Variants in RNFT2 observed in about 807,000 individuals in gnomAD.
RNFT2 encodes the protein ring finger protein, transmembrane 2, also known as E3 ubiquitin-protein ligase RNFT2.
In RNFT2, 36 loss-of-function variants were observed where a neutral mutation model predicts 53.0. The ratio of observed to expected loss-of-function variants is 0.68; its 90% CI spans 0.52 to 0.90. The LOEUF (loss-of-function observed/expected upper bound fraction) is 0.90, where lower values mean the gene tolerates loss of function less well. Among genes scored for constraint, RNFT2 ranks in the 40% least tolerant of loss-of-function variants. RNFT2 has a pLI of 0.00. For missense variants in RNFT2, 514 were observed against 585.6 expected, an observed-to-expected ratio of 0.88 and a Z score of 1.26; for synonymous variants, 260 against 253.2, an observed-to-expected ratio of 1.03 and a Z score of -0.26.
In RNFT2 at chr12:116,851,491, C is replaced by T; in HGVS notation, c.*2043C>T. The stretch of plus-strand genomic sequence containing the variant: ...TGGTGGCCCATGCCTGTAGTGCCAG[C>T]ATTTTGGGAGGCTGAAGCAGGCGGG... On this transcript the variant is annotated 3_prime_UTR_variant, in exon 11 of 11. Coordinates refer to ENST00000257575, the MANE Select transcript of RNFT2 (RefSeq NM_001382266.1). 2.1e-6 allele frequency: 1 copy of T among 477,352 alleles called. No individual in the cohort carries two copies. The allele number at this position is 477,352 out of a possible 1,614,324, so 29.6% of individuals were successfully genotyped here. A position where few individuals can be genotyped will look rare whatever the true frequency, so the allele number is the denominator to read the frequency against.
chr12:116,852,354 C>T lies in RNFT2; in HGVS notation c.*2906C>T, dbSNP rs1877969345. On this transcript the variant is annotated 3_prime_UTR_variant, in exon 11 of 11. Transcript: ENST00000257575. ...CCGCCGTAGATTCAGGACATTTGCC[C>T]CTGTGTGCCACCAAACCAGGACTTT... 2.3e-6 allele frequency: 3 copies of T among 1,280,268 alleles called. No individual in the cohort carries two copies. Among genetic ancestry groups the T allele is most frequent in the Non-Finnish European group, 3.0e-6 (3 of 1,009,062 alleles). The allele number at this position is 1,280,268 out of a possible 1,614,324, so 79.3% of individuals were successfully genotyped here.
At chr12:116,741,524 C>T (rs1226980471) in intron 3 of RNFT2, among the ~76,000 whole-genome samples, 1 of 152,206 alleles carries the variant, frequency 6.6e-6, no homozygotes, top group Admixed American at 6.5e-5. Context: ...TTTGCTATGT[C>T]TTAATGTGGT....
At chr12:116,769,082 G>A (rs138665171) in intron 6 of RNFT2, among the ~76,000 whole-genome samples, 2,389 of 152,138 alleles carry the variant, frequency 0.016, 78 homozygotes, top group African/African-American at 0.054. Context: ...AAAGTTGGCC[G>A]GGCGCAGTGG....
chr12:116,797,113 T>C (rs1276849871), intron 7 of RNFT2, among the ~76,000 whole-genome samples: 1 of 152,204 alleles, frequency 6.6e-6, no homozygotes, highest in Non-Finnish European at 1.5e-5. Flanking sequence ...AACTCTGGGT[T>C]AAATGTGTGC....
chr12:116,773,259 G>A (rs947558834), intron 6 of RNFT2, among the ~76,000 whole-genome samples: 96 of 152,366 alleles, frequency 6.3e-4, no homozygotes, highest in African/African-American at 2.2e-3. Flanking sequence ...ACCATGCCCA[G>A]CCGCAAGTAA....
intron 3 of RNFT2, among the ~76,000 whole-genome samples, chr12:116,742,538 C>T (rs992350589): frequency 3.3e-5 from 5 of 152,238 alleles, no homozygotes; most frequent in Admixed American, 1.3e-4. Flanking sequence ...AGCTCCTGCT[C>T]GCTGGGATTA....
At chr12:116,759,406 G>A (rs563489913) in intron 5 of RNFT2, among the ~76,000 whole-genome samples, 2 of 152,304 alleles carry the variant, frequency 1.3e-5, no homozygotes, top group African/African-American at 4.8e-5. Context: ...TGGTGAACTA[G>A]TGTGATTTTG....
intron 10 of RNFT2, among the ~76,000 whole-genome samples, chr12:116,839,388 GTGGA>G (rs1234178958): frequency 2.0e-3 from 279 of 142,764 alleles, no homozygotes; most frequent in East Asian, 5.9e-3. Flanking sequence ...GGTTGGGTGG[GTGGA>G]TGGATGGATG....
intron 5 of RNFT2, among the ~76,000 whole-genome samples, chr12:116,761,867 G>T (rs957411489): frequency 2.0e-5 from 3 of 152,058 alleles, no homozygotes; most frequent in African/African-American, 7.2e-5. Context: ...AAAAGAGCCT[G>T]TTGGCACCAA....
rs71099006 is a variant in RNFT2 at position 116,850,148 on chromosome 12, CTTTTTT to C, written c.*719_*724del. On this transcript the variant is annotated 3_prime_UTR_variant, in exon 11 of 11. Coordinates refer to ENST00000257575, the MANE Select transcript of RNFT2 (RefSeq NM_001382266.1). Reference sequence around the variant, plus strand: ...GCATGAGCCACCGTGCCCAGGCTCACTTTTTTTTTTTTTTTTTTTTTTTTGAGACAG... The same window carrying C: ...GCATGAGCCACCGTGCCCAGGCTCACTTTTTTTTTTTTTTTTTTGAGACAG... 9 of 73,232 alleles carry C rather than the reference CTTTTTT, an allele frequency of 1.2e-4. No individual in the cohort carries two copies. The highest frequency in any genetic ancestry group is 1.6e-4 in the Admixed American group (1 of 6,098). 4.5% of individuals were successfully genotyped at this position (73,232 alleles called of 1,614,324 possible). A position where few individuals can be genotyped will look rare whatever the true frequency, so the allele number is the denominator to read the frequency against.
intron 6 of RNFT2, among the ~76,000 whole-genome samples, chr12:116,776,371 C>G (rs140049731): frequency 1.4e-3 from 219 of 152,244 alleles, no homozygotes; most frequent in African/African-American, 4.8e-3. Flanking sequence ...ATCATGGAAG[C>G]ACTGGAGATT....
chr12:116,759,785 C>T lies in RNFT2; in HGVS notation c.627+5725C>T, dbSNP rs369457621. ...AGGTGGTGGAGGGTGCAATGGACTC[C>T]GTGAGGGTTCTTAGCTTTGGTGGTT... is the stretch of plus-strand genomic sequence containing the variant. On this transcript the variant is annotated intron_variant, in intron 5 of 10. Transcript: ENST00000257575. 4.6e-4 allele frequency among the ~76,000 whole-genome samples: 70 copies of T among 152,198 alleles called. 1 individual carries two copies. The East Asian group carries it at 9.5e-3, about 21-fold the overall frequency.
intron 6 of RNFT2, among the ~76,000 whole-genome samples, chr12:116,767,122 C>G (rs983994749): frequency 6.6e-6 from 1 of 152,192 alleles, no homozygotes; most frequent in Non-Finnish European, 1.5e-5. Context: ...TTAACATCTT[C>G]TAGTTACTGA....
At chr12:116,816,085 T>C (rs1225796203) in intron 7 of RNFT2, among the ~76,000 whole-genome samples, 1 of 152,182 alleles carries the variant, frequency 6.6e-6, no homozygotes, top group Non-Finnish European at 1.5e-5. Context: ...GATAAGCTCA[T>C]CCATCCACCT....
intron 7 of RNFT2, among the ~76,000 whole-genome samples, chr12:116,792,645 A>G (rs1372087333): frequency 2.0e-5 from 3 of 152,150 alleles, no homozygotes; most frequent in Non-Finnish European, 4.4e-5. Context: ...AGTGATGTGA[A>G]TAGTCTTCCC....
chr12:116,754,147 G>A (rs575064973), intron 5 of RNFT2, 87 bp downstream of exon 5: 2 of 1,050,506 alleles, frequency 1.9e-6, no homozygotes, highest in East Asian at 2.4e-5. Flanking sequence ...AGTCTCCAGA[G>A]TTCATTGTAT....
At chr12:116,771,490 A>ATATATAT (rs1308384275) in intron 6 of RNFT2, among the ~76,000 whole-genome samples, 3 of 107,582 alleles carry the variant, frequency 2.8e-5, no homozygotes, top group Non-Finnish European at 3.6e-5. Flanking sequence ...AAAAAAAAAA[A>ATATATAT]AAAAATACGT....
chr12:116,809,629 C>T (rs1014910710), intron 7 of RNFT2, among the ~76,000 whole-genome samples: 12 of 152,164 alleles, frequency 7.9e-5, no homozygotes, highest in Admixed American at 5.2e-4. Flanking sequence ...AAAGACTGGG[C>T]TTCACCCCTG....
chr12:116,847,532 C>T (rs1247671560), intron 10 of RNFT2, among the ~76,000 whole-genome samples: 5 of 145,550 alleles, frequency 3.4e-5, no homozygotes, highest in Non-Finnish European at 3.0e-5. Flanking sequence ...CTCTCTCTCT[C>T]TTTTTTTTTT....
Sources: allele counts gnomAD v4.1 joint callset (sites outside exome capture counted in the v4.1 genomes callset), GRCh38; gene constraint gnomAD v4.1.1; transcripts MANE v1.5; gene names NCBI Gene and HGNC (gene_info 2026-07-23, HGNC 2026-07-21).